CENPK: variants seen among roughly 807,000 people sequenced by gnomAD.
CENPK encodes centromere protein K.
A neutral mutation model predicts 40.9 loss-of-function variants in CENPK; 46 were observed. The ratio of observed to expected loss-of-function variants is 1.13; its 90% CI spans 0.89 to 1.44. The LOEUF (loss-of-function observed/expected upper bound fraction) is 1.44. CENPK is among the 40% of genes most tolerant of loss of function. The pLI, the probability that CENPK is intolerant of heterozygous loss-of-function variation, is 0.00. For synonymous variants in CENPK, 107 were observed against 104.4 expected (o/e 1.02, Z -0.15); for missense variants, 288 against 303.5 (o/e 0.95, Z 0.38).
chr5:65,542,715 T>C (rs1164390846), intron 6 of CENPK, 87 bp downstream of exon 6: 1 of 937,344 alleles, frequency 1.1e-6, no homozygotes, highest in African/African-American at 1.7e-5. Context: ...AGAGTGGTTT[T>C]ATCCTATTTC....
chr5:65,548,154 A>C (rs1051217369), intron 5 of CENPK, among the ~76,000 whole-genome samples: 1 of 152,244 alleles, frequency 6.6e-6, no homozygotes, highest in Non-Finnish European at 1.5e-5. Context: ...AGATAGTCCA[A>C]GTTTGGTTCT....
Position 65,563,161 on chromosome 5 carries a change from A to T in CENPK, c.-205T>A, listed in dbSNP as rs1306504051. On this transcript the variant is annotated 5_prime_UTR_variant, in exon 1 of 11. Transcript: ENST00000396679. ...CGCAGGAAGCGCTTGCCAGCCCCGG[A>T]CTTCTGCGCGCGCTGCATGCCCATT... 3 of 1,029,888 alleles carry T rather than the reference A, an allele frequency of 2.9e-6. No homozygotes were observed. Among genetic ancestry groups the T allele is most frequent in the Non-Finnish European group, 4.2e-6 (3 of 720,994 alleles). 63.8% of individuals were successfully genotyped at this position (1,029,888 alleles called of 1,614,324 possible).
At position 65,518,436 on chromosome 5, in the gene CENPK, G is replaced by T. The variant is rs1172922491; in HGVS notation, c.*39C>A. 1.3e-6 allele frequency: 2 copies of T among 1,577,190 alleles called. No individual in the cohort carries two copies. Among genetic ancestry groups the T allele is most frequent in the Admixed American group, 1.9e-5 (1 of 52,364 alleles). The stretch of plus-strand genomic sequence containing the variant: ...TCCTGTGGTTCCAATATCCTTGAAT[G>T]ATAAGAATTTTTACTGTGTGAAAAA... On this transcript the variant is annotated 3_prime_UTR_variant, in exon 11 of 11. Transcript: ENST00000396679.
intron 5 of CENPK, among the ~76,000 whole-genome samples, chr5:65,546,946 A>G (rs1215751384): frequency 6.6e-6 from 1 of 152,230 alleles, no homozygotes; most frequent in Non-Finnish European, 1.5e-5. Context: ...TAACACATAA[A>G]AACAGAAGAA....
In CENPK at chr5:65,551,960, AT is replaced by A. The variant is rs369700253; in HGVS notation, c.169-325del. 9.1e-3 allele frequency among the ~76,000 whole-genome samples: 1,145 copies of A among 125,258 alleles called. 8 individuals are homozygous for A. Among genetic ancestry groups the A allele is most frequent in the South Asian group, 0.045 (179 of 3,982 alleles). 82.2% of individuals were successfully genotyped at this position (125,258 alleles called of 152,430 possible). A position where few individuals can be genotyped will look rare whatever the true frequency, so the allele number is the denominator to read the frequency against. ...ACACAAAGTTAGCCGCCTTTGTTCT[AT>A]TTTTTTTTTTTTTTTTTTGAGACAG... On this transcript the variant is annotated intron_variant, in intron 4 of 10. Coordinates refer to ENST00000396679, the MANE Select transcript of CENPK (RefSeq NM_022145.5).
chr5:65,537,266 G>C (rs919322685), intron 6 of CENPK, among the ~76,000 whole-genome samples: 1 of 152,170 alleles, frequency 6.6e-6, no homozygotes, highest in African/African-American at 2.4e-5. Context: ...AACTATGTAT[G>C]AACAAACTTT....
downstream of CENPK, among the ~76,000 whole-genome samples, chr5:65,516,544 C>T (rs377557125): frequency 6.6e-6 from 1 of 152,138 alleles, no homozygotes; most frequent in Non-Finnish European, 1.5e-5. Flanking sequence ...ATAATCATAA[C>T]GTAACATGAA....
chr5:65,539,406 A>G (rs774914313), intron 6 of CENPK, among the ~76,000 whole-genome samples: 3 of 152,248 alleles, frequency 2.0e-5, no homozygotes, highest in Admixed American at 2.0e-4. Context: ...GGCTTCAAAA[A>G]TACAATGGTG....
At chr5:65,508,397 T>C in the CENPK span, among the ~76,000 whole-genome samples, 1 of 152,254 alleles carries the variant, frequency 6.6e-6, no homozygotes, top group Non-Finnish European at 1.5e-5. Context: ...CTTGAATATT[T>C]ATTTTATTCA....
chr5:65,509,421 A>G, the CENPK span, among the ~76,000 whole-genome samples: 1 of 152,174 alleles, frequency 6.6e-6, no homozygotes, highest in South Asian at 2.1e-4. Context: ...GGCTTCTCCA[A>G]CTGAGTAACT....
rs150171185 is a variant in CENPK, at chr5:65,530,375, A to G, written c.289-1176T>C. On this transcript the variant is annotated intron_variant, in intron 6 of 10. Transcript: ENST00000396679. ...AGATGTTTTAGGTAGTATGATATGG[A>G]AAGACTTCTCTGATCAGGTAACATT... Among the ~76,000 whole-genome samples, 72 of 152,346 alleles carry G rather than the reference A, an allele frequency of 4.7e-4. 4 individuals are homozygous for G. The East Asian group carries it at 0.013, about 28-fold the overall frequency.
chr5:65,543,145 G>A (rs531420056), intron 5 of CENPK, among the ~76,000 whole-genome samples: 34 of 152,250 alleles, frequency 2.2e-4, no homozygotes, highest in Non-Finnish European at 3.4e-4. Flanking sequence ...TGTGTTTTTA[G>A]TAGAGATGGG....
the CENPK span, among the ~76,000 whole-genome samples, chr5:65,505,214 T>C: frequency 6.6e-6 from 1 of 152,198 alleles, no homozygotes; most frequent in South Asian, 2.1e-4. Context: ...TCAAGATTGA[T>C]TATCCTTTTT....
the CENPK span, among the ~76,000 whole-genome samples, chr5:65,503,359 G>A: frequency 2.6e-5 from 4 of 152,144 alleles, no homozygotes; most frequent in South Asian, 6.2e-4. Flanking sequence ...CGCCTGCCTC[G>A]GCCTCCCAGA....
downstream of CENPK, among the ~76,000 whole-genome samples, chr5:65,513,022 G>GC (rs1251992252): frequency 1.4e-4 from 21 of 152,048 alleles, no homozygotes; most frequent in Middle Eastern, 3.4e-3. Flanking sequence ...TTTTTAATTG[G>GC]TTTTTCTTAT....
At chr5:65,548,214 T>G (rs182482700) in intron 5 of CENPK, among the ~76,000 whole-genome samples, 2 of 152,330 alleles carry the variant, frequency 1.3e-5, no homozygotes, top group Admixed American at 6.5e-5. Flanking sequence ...CACACAAATT[T>G]TTTGTTTTCC....
At chr5:65,508,951 T>A in the CENPK span, among the ~76,000 whole-genome samples, 1 of 152,226 alleles carries the variant, frequency 6.6e-6, no homozygotes, top group Non-Finnish European at 1.5e-5. Context: ...TGCTTCAAGA[T>A]GCCATTAAGA....
At chr5:65,528,635 G>T in intron 8 of CENPK, 57 bp from the exon 9 acceptor site, 1 of 1,415,264 alleles carries the variant, frequency 7.1e-7, no homozygotes, top group Non-Finnish European at 9.3e-7. Flanking sequence ...ATACACACAT[G>T]TAACTAGTTA....
At chr5:65,521,554 C>T in intron 9 of CENPK, 26 bp from the exon 10 acceptor site, 1 of 1,446,268 alleles carries the variant, frequency 6.9e-7, no homozygotes, top group South Asian at 1.2e-5. Context: ...GAATAACAAA[C>T]AATTACCACT....
Sources: allele counts gnomAD v4.1 joint callset (sites outside exome capture counted in the v4.1 genomes callset), GRCh38; gene constraint gnomAD v4.1.1; transcripts MANE v1.5; gene names NCBI Gene and HGNC (gene_info 2026-07-23, HGNC 2026-07-21).